The following SRP54 variants were observed in gnomAD, a reference collection of about 807,000 sequenced individuals.
SRP54 encodes signal recognition particle subunit SRP54.
A neutral mutation model predicts 64.8 loss-of-function variants in SRP54; 10 were observed. That is an observed-to-expected ratio of 0.15 (90% CI 0.10 to 0.26). SRP54 has a LOEUF of 0.26. SRP54 is among the 10% of genes least tolerant of loss of function. SRP54 has a pLI of 1.00. For synonymous variants in SRP54, 193 were observed against 185.6 expected, an observed-to-expected ratio of 1.04 and a Z score of -0.32; for missense variants, 325 against 613.7, an observed-to-expected ratio of 0.53 and a Z score of 4.97.
At chr14:34,997,053 A>T (rs912809499) in intron 2 of SRP54, 4 of 327,546 alleles carry the variant, frequency 1.2e-5, no homozygotes, top group African/African-American at 8.6e-5. Flanking sequence ...AACATATTTT[A>T]TCTTTTGAAA....
intron 1 of SRP54, among the ~76,000 whole-genome samples, chr14:34,988,948 A>G (rs941532692): frequency 3.6e-4 from 55 of 152,236 alleles, no homozygotes; most frequent in African/African-American, 1.3e-3. Flanking sequence ...AAATGTAAAT[A>G]GTTGTTATAC....
intron 8 of SRP54, among the ~76,000 whole-genome samples, chr14:35,012,985 C>T (rs1216505397): frequency 1.4e-5 from 2 of 145,748 alleles, no homozygotes; most frequent in Non-Finnish European, 3.0e-5. Flanking sequence ...CTCTTGTCGC[C>T]CAGGCTGGAG....
At chr14:34,983,771 T>C (rs529113246) in intron 1 of SRP54, among the ~76,000 whole-genome samples, 3 of 152,370 alleles carry the variant, frequency 2.0e-5, no homozygotes, top group South Asian at 2.1e-4. Flanking sequence ...TAACAAAATA[T>C]ATACTTGTTC....
chr14:35,013,670 C>T, intron 9 of SRP54, 132 bp from the exon 10 acceptor site: 2 of 1,082,170 alleles, frequency 1.8e-6, no homozygotes, highest in Non-Finnish European at 2.6e-6. Flanking sequence ...TCTATTATAA[C>T]TTGTGAAATG....
At position 35,002,270 on chromosome 14, in the gene SRP54, CT is replaced by C. The variant is rs912869192; in HGVS notation, c.255+1252del. Among the ~76,000 whole-genome samples the C allele has an allele frequency of 5.9e-5, 9 of 151,942 alleles. 1 individual carries two copies. Among genetic ancestry groups the C allele is most frequent in the Non-Finnish European group, 1.2e-4 (8 of 67,988 alleles). Reference sequence around the variant, plus strand: ...TCCGGAGGGTGAGGCAGGAGTATTGCTTGAGCCCAGGAGTTCGGGGGTGCAG... The same window carrying C: ...TCCGGAGGGTGAGGCAGGAGTATTGCTGAGCCCAGGAGTTCGGGGGTGCAG... On this transcript the variant is annotated intron_variant, in intron 4 of 15. Transcript: ENST00000216774.
In SRP54 at chr14:35,028,084, T is replaced by C; in HGVS notation, c.1328-4T>C. 6.3e-7 allele frequency: 1 copy of C among 1,599,798 alleles called. No homozygotes were observed. Among genetic ancestry groups the C allele is most frequent in the African/African-American group, 1.3e-5 (1 of 74,246 alleles). On this transcript the variant is annotated splice_polypyrimidine_tract_variant and splice_region_variant and intron_variant, in intron 14 of 15. Transcript: ENST00000216774. ...ACTCAAAATCTTTTTTTTTTTCCCC[T>C]CAGGTGGCGACATGTCTAAGAATGT...
intron 11 of SRP54, among the ~76,000 whole-genome samples, chr14:35,017,549 T>C (rs971227974): frequency 2.0e-5 from 3 of 152,216 alleles, no homozygotes; most frequent in Admixed American, 1.3e-4. Context: ...TAACATTTCT[T>C]TTAAGATACT....
intron 11 of SRP54, 66 bp from the exon 12 acceptor site, chr14:35,018,626 A>T (rs1005655155): frequency 1.7e-5 from 21 of 1,248,970 alleles, no homozygotes; most frequent in Non-Finnish European, 2.4e-5. Flanking sequence ...TTAAGGAATA[A>T]ATTAGTTTTG....
intron 5 of SRP54, among the ~76,000 whole-genome samples, chr14:35,007,971 A>T (rs1373309301): frequency 6.6e-6 from 1 of 151,474 alleles, no homozygotes; most frequent in Admixed American, 6.6e-5. Flanking sequence ...CTTTTATTAA[A>T]AAAAGACCAT....
At chr14:34,991,803 T>A (rs1055193750) in intron 1 of SRP54, among the ~76,000 whole-genome samples, 1 of 152,084 alleles carries the variant, frequency 6.6e-6, no homozygotes, top group African/African-American at 2.4e-5. Context: ...GTCATTGAGA[T>A]TTTAAGCAAA....
At chr14:35,007,061 C>T (rs1442422096) in intron 4 of SRP54, among the ~76,000 whole-genome samples, 1 of 151,956 alleles carries the variant, frequency 6.6e-6, no homozygotes, top group East Asian at 1.9e-4. Flanking sequence ...GGTGTGGTGG[C>T]GTGTGCCTGT....
chr14:35,008,796 G>A lies in SRP54; in HGVS notation c.450G>A (p.Gln150=). 6.2e-7 allele frequency: 1 copy of A among 1,607,892 alleles called. No homozygotes were observed. Among genetic ancestry groups the A allele is most frequent in the African/African-American group, 1.3e-5 (1 of 74,696 alleles). Reference sequence around the variant, plus strand: ...CAGGGGCTTTTGACCAACTAAAACAGAATGCTACCAAAGCAAGAATTCCAT... The same window carrying A: ...CAGGGGCTTTTGACCAACTAAAACAAAATGCTACCAAAGCAAGAATTCCAT... ...FRAGAFDQLK[Q]NATKARIPFY... The change falls in exon 7 of 16, where the codon CAG becomes CAA. Residue 150 remains glutamine, a synonymous_variant. Transcript: ENST00000216774.
rs911821679 is a variant in SRP54 at position 34,984,423 on chromosome 14, G to C, written c.-34+1208G>C. On this transcript the variant is annotated intron_variant, in intron 1 of 15. Coordinates refer to ENST00000216774, the MANE Select transcript of SRP54 (RefSeq NM_003136.4). Reference sequence around the variant, plus strand: ...CTATAACCCAAATGGTCTTCCACAGGCTCTCCTCGAGGCTTCTCGCTTGCT... The same window carrying C: ...CTATAACCCAAATGGTCTTCCACAGCCTCTCCTCGAGGCTTCTCGCTTGCT... Among the ~76,000 whole-genome samples, 6 of 152,236 alleles carry C rather than the reference G, an allele frequency of 3.9e-5. No individual in the cohort carries two copies. In the East Asian group the frequency reaches 1.2e-3, roughly 29 times the overall value.
intron 14 of SRP54, 78 bp from the exon 15 acceptor site, chr14:35,028,010 A>G: frequency 1.2e-6 from 1 of 823,464 alleles, no homozygotes; most frequent in Non-Finnish European, 1.8e-6. Flanking sequence ...CAGTTCATCA[A>G]ACTTTCTATT....
chr14:35,023,733 G>A (rs1422863353), intron 14 of SRP54, among the ~76,000 whole-genome samples: 11 of 151,484 alleles, frequency 7.3e-5, no homozygotes, highest in African/African-American at 2.7e-4. Context: ...GCAGTGAGCC[G>A]AGATTGTACC....
intron 11 of SRP54, among the ~76,000 whole-genome samples, chr14:35,015,616 A>G (rs566264566): frequency 3.1e-5 from 4 of 127,944 alleles, no homozygotes; most frequent in African/African-American, 7.9e-5. Context: ...ACATAATACT[A>G]ACTACTTCAT....
At chr14:34,992,358 A>C (rs185372466) in intron 1 of SRP54, among the ~76,000 whole-genome samples, 3 of 152,270 alleles carry the variant, frequency 2.0e-5, no homozygotes, top group Non-Finnish European at 4.4e-5. Context: ...CAGAAGGAAA[A>C]GTATATTGGA....
chr14:34,986,866 ACT>A (rs2043903028), intron 1 of SRP54, among the ~76,000 whole-genome samples: 1 of 148,736 alleles, frequency 6.7e-6, no homozygotes, highest in Non-Finnish European at 1.5e-5. Flanking sequence ...ACAGAGTGAG[ACT>A]CTGTCTCAAA....
chr14:34,986,351 T>TA (rs1304787710), intron 1 of SRP54, among the ~76,000 whole-genome samples: 3 of 152,150 alleles, frequency 2.0e-5, no homozygotes, highest in African/African-American at 7.2e-5. Context: ...GTTAAACTGT[T>TA]ATATTTGATT....
Sources: allele counts gnomAD v4.1 joint callset (sites outside exome capture counted in the v4.1 genomes callset), GRCh38; gene constraint gnomAD v4.1.1; transcripts MANE v1.5; gene names NCBI Gene and HGNC (gene_info 2026-07-23, HGNC 2026-07-21).